The following PXDNL variants were observed in gnomAD, a reference collection of about 807,000 sequenced individuals.
The protein encoded by PXDNL is probable oxidoreductase PXDNL.
A neutral mutation model predicts 150.8 loss-of-function variants in PXDNL; 145 were observed. The ratio of observed to expected loss-of-function variants is 0.96; its 90% CI spans 0.84 to 1.10. The LOEUF is 1.10. Among genes scored for constraint, PXDNL ranks in the 50% least tolerant of loss-of-function variants. The pLI, the probability that PXDNL is intolerant of heterozygous loss-of-function variation, is 0.00. For missense variants in PXDNL, 2,087 were observed against 1,873.9 expected (o/e 1.11, Z -2.10); for synonymous variants, 757 against 725.7 (o/e 1.04, Z -0.69).
At chr8:51,362,141 CA>C (rs1290876315) in intron 19 of PXDNL, among the ~76,000 whole-genome samples, 1 of 152,010 alleles carries the variant, frequency 6.6e-6, no homozygotes, top group East Asian at 1.9e-4. Flanking sequence ...TATCTGTTAA[CA>C]TTTTGGTTTA....
intron 1 of PXDNL, among the ~76,000 whole-genome samples, chr8:51,788,781 G>GA (rs1585751247): frequency 1.3e-5 from 2 of 152,240 alleles, no homozygotes; most frequent in South Asian, 2.1e-4. Flanking sequence ...AGCTTTTCTG[G>GA]AAAAAACAAC....
At chr8:51,700,248 T>C (rs1816225657) in intron 1 of PXDNL, among the ~76,000 whole-genome samples, 1 of 123,106 alleles carries the variant, frequency 8.1e-6, no homozygotes. Flanking sequence ...TACCCACACA[T>C]ATACACTCAA....
At chr8:51,488,254 GA>G (rs1810812382) in intron 5 of PXDNL, among the ~76,000 whole-genome samples, 1 of 152,154 alleles carries the variant, frequency 6.6e-6, no homozygotes, top group South Asian at 2.1e-4. Flanking sequence ...AAATACATGA[GA>G]AAATGTTGAC....
chr8:51,477,827 A>C (rs1810516317), intron 6 of PXDNL, among the ~76,000 whole-genome samples: 1 of 152,052 alleles, frequency 6.6e-6, no homozygotes, highest in Non-Finnish European at 1.5e-5. Flanking sequence ...CCCTTAACGC[A>C]ACCTCATGCT....
intron 1 of PXDNL, among the ~76,000 whole-genome samples, chr8:51,664,769 G>A (rs1040206316): frequency 1.3e-5 from 2 of 151,966 alleles, no homozygotes; most frequent in South Asian, 2.1e-4. Flanking sequence ...GGTGCCCTGC[G>A]GTCCCACTGT....
intron 19 of PXDNL, among the ~76,000 whole-genome samples, chr8:51,369,502 TAGTC>T (rs1807026633): frequency 3.9e-5 from 6 of 152,224 alleles, no homozygotes; most frequent in Admixed American, 2.6e-4. Flanking sequence ...CCACGCTTGT[TAGTC>T]AGAAAGTACA....
intron 1 of PXDNL, among the ~76,000 whole-genome samples, chr8:51,744,989 AAAGGGAG>A (rs752011530): frequency 0.24 from 1,311 of 5,434 alleles, 94 homozygotes; most frequent in Middle Eastern, 0.5. Flanking sequence ...AGAAAGAAAG[AAAGGGAG>A]GGAGGGAAGA....
chr8:51,645,721 T>G (rs1268972283), intron 2 of PXDNL, among the ~76,000 whole-genome samples: 1 of 152,128 alleles, frequency 6.6e-6, no homozygotes, highest in Non-Finnish European at 1.5e-5. Flanking sequence ...AATGGAGAAA[T>G]TTACAGGAGG....
chr8:51,591,812 G>T (rs535741879), intron 3 of PXDNL, among the ~76,000 whole-genome samples: 2 of 152,214 alleles, frequency 1.3e-5, no homozygotes, highest in East Asian at 3.9e-4. Context: ...TAGAGACGGG[G>T]TTTCACTGTG....
chr8:51,526,917 C>G (rs915554338), intron 4 of PXDNL, among the ~76,000 whole-genome samples: 1 of 152,166 alleles, frequency 6.6e-6, no homozygotes, highest in Admixed American at 6.5e-5. Context: ...CGGCCAGCCC[C>G]CTCTGTGCTC....
intron 1 of PXDNL, among the ~76,000 whole-genome samples, chr8:51,801,501 T>A (rs1167353367): frequency 1.3e-5 from 2 of 152,208 alleles, no homozygotes; most frequent in Non-Finnish European, 2.9e-5. Context: ...ACCTGCTGGT[T>A]TTGTGGCTCA....
chr8:51,628,324 T>TCTC (rs1814404834), intron 2 of PXDNL, among the ~76,000 whole-genome samples: 1 of 144,782 alleles, frequency 6.9e-6, no homozygotes, highest in South Asian at 2.2e-4. Flanking sequence ...GAGAGGCTTC[T>TCTC]CTCTTCTTCT....
rs137856039 is a variant in PXDNL, at chr8:51,365,880, C to T, written c.3901+5993G>A. Among the ~76,000 whole-genome samples the T allele has an allele frequency of 1.8e-4, 28 of 152,228 alleles. No homozygotes were observed. The East Asian group carries it at 4.8e-3, about 26-fold the overall frequency. ...GCTCCTGCACCAGGCCCCAACAAAC[C>T]AGACAAAAGCAAAATGGAGGCACTT... On this transcript the variant is annotated intron_variant, in intron 19 of 22. Transcript: ENST00000356297.
chr8:51,542,391 C>A (rs1812235594), intron 4 of PXDNL, among the ~76,000 whole-genome samples: 1 of 151,682 alleles, frequency 6.6e-6, no homozygotes, highest in African/African-American at 2.4e-5. Context: ...ATGTTGAAAT[C>A]TTAACCCCAA....
chr8:51,385,903 C>T (rs1807694741), intron 17 of PXDNL, among the ~76,000 whole-genome samples: 1 of 152,150 alleles, frequency 6.6e-6, no homozygotes, highest in Non-Finnish European at 1.5e-5. Flanking sequence ...TGAGGCCTCC[C>T]AGCCGAGTGG....
intron 1 of PXDNL, among the ~76,000 whole-genome samples, chr8:51,789,345 C>T (rs1467761169): frequency 6.6e-6 from 1 of 152,096 alleles, no homozygotes; most frequent in East Asian, 1.9e-4. Flanking sequence ...TTCAATTTTT[C>T]TCTTTTCCAG....
At chr8:51,377,390 C>T (rs1263755210) in intron 17 of PXDNL, among the ~76,000 whole-genome samples, 1 of 152,190 alleles carries the variant, frequency 6.6e-6, no homozygotes, top group African/African-American at 2.4e-5. Flanking sequence ...GCCTCCTCAG[C>T]CTCAGTGGCC....
chr8:51,320,504 T>C (rs1343077981), intron 22 of PXDNL, among the ~76,000 whole-genome samples: 2 of 152,240 alleles, frequency 1.3e-5, no homozygotes, highest in African/African-American at 2.4e-5. Flanking sequence ...TGGCTCAGTT[T>C]ACTTACTGAC....
rs185248946 is a variant in PXDNL, at chr8:51,593,008, A to T, written c.237-310T>A. Among the ~76,000 whole-genome samples, 16 of 152,340 alleles carry T rather than the reference A, an allele frequency of 1.1e-4. No individual in the cohort carries two copies. The East Asian group carries it at 2.9e-3, about 28-fold the overall frequency. On this transcript the variant is annotated intron_variant, in intron 2 of 22. Transcript: ENST00000356297. ...CATCTAAAAAGAAAATTATCAACAT[A>T]GTCATGGTAACAAAGGAACATATTC...
Sources: gnomAD v4.1 joint callset for allele counts (sites outside exome capture counted in the v4.1 genomes callset) on GRCh38, gnomAD v4.1.1 for gene constraint, MANE v1.5 for transcripts, NCBI Gene and HGNC (gene_info 2026-07-23, HGNC 2026-07-21) for gene names.